The following ATOSB variants were observed in gnomAD, a reference collection of about 807,000 sequenced individuals.
ATOSB encodes atos homolog protein B.
At chr9:35,108,486 G>A in the ATOSB span, 1 of 1,306,806 alleles carries the variant, frequency 7.7e-7, no homozygotes, top group South Asian at 1.7e-5. Flanking sequence ...CAAATCCCTG[G>A]ATGGACTAAT....
the ATOSB span, chr9:35,107,760 C>G: frequency 1.9e-6 from 3 of 1,565,954 alleles, no homozygotes; most frequent in Non-Finnish European, 2.6e-6. Context: ...TGGGGACTCC[C>G]CCAGGGACCC....
chr9:35,106,422 G>A, the ATOSB span: 19 of 1,614,166 alleles, frequency 1.2e-5, no homozygotes, highest in East Asian at 3.6e-4. This position sits in a 1 kb window ranked among gnomAD's most constrained non-coding sequence, Gnocchi z 4.6. Flanking sequence ...TGGGATTAGG[G>A]TAGGGAAAAC....
At chr9:35,115,185 C>T in the ATOSB span, among the ~76,000 whole-genome samples, 3 of 151,994 alleles carry the variant, frequency 2.0e-5, no homozygotes, top group Admixed American at 1.3e-4. Context: ...CTGGACAGAT[C>T]CAAAATAGAC....
At chr9:35,107,772 T>C in the ATOSB span, 2 of 1,563,122 alleles carry the variant, frequency 1.3e-6, no homozygotes, top group Non-Finnish European at 1.7e-6. Context: ...CAGGGACCCC[T>C]GTCCCCCTGG....
the ATOSB span, chr9:35,108,599 T>A: frequency 9.0e-7 from 1 of 1,108,506 alleles, no homozygotes. Context: ...CTTACCCCGA[T>A]GAAGAGGCCT....
the ATOSB span, chr9:35,106,047 A>G: frequency 6.3e-7 from 1 of 1,595,782 alleles, no homozygotes; most frequent in South Asian, 1.1e-5. This position sits in a 1 kb window ranked among gnomAD's most constrained non-coding sequence, Gnocchi z 4.6. Context: ...GGTGGGGACT[A>G]GGAAAACCCT....
the ATOSB span, chr9:35,106,089 T>G: frequency 6.5e-7 from 1 of 1,530,352 alleles, no homozygotes; most frequent in African/African-American, 1.4e-5. The surrounding 1 kb of genome is among the most constrained non-coding windows in gnomAD (Gnocchi z 4.6). Context: ...CTCCACAAGC[T>G]CTCACCCTGA....
chr9:35,108,114 GA>G, the ATOSB span: 1 of 1,561,416 alleles, frequency 6.4e-7, no homozygotes. Flanking sequence ...AGCCGGAGGG[GA>G]AAAGATGGAT....
the ATOSB span, among the ~76,000 whole-genome samples, chr9:35,112,586 G>A: frequency 6.6e-6 from 1 of 152,190 alleles, no homozygotes; most frequent in East Asian, 1.9e-4. Flanking sequence ...ACCTTTGCAA[G>A]GATTGAGCAT....
chr9:35,113,135 A>G, the ATOSB span, among the ~76,000 whole-genome samples: 1 of 152,226 alleles, frequency 6.6e-6, no homozygotes, highest in African/African-American at 2.4e-5. Context: ...CTTAATAAAA[A>G]CTTACTAGGA....
chr9:35,111,965 A>G, the ATOSB span, among the ~76,000 whole-genome samples: 1 of 152,138 alleles, frequency 6.6e-6, no homozygotes, highest in East Asian at 1.9e-4. Flanking sequence ...CTTTAAAGAT[A>G]CGGTTTGACA....
chr9:35,107,335 A>G, the ATOSB span: 2 of 1,551,894 alleles, frequency 1.3e-6, no homozygotes, highest in African/African-American at 2.8e-5. Context: ...AAAAAAAAAA[A>G]AAAAAAAAGT....
At chr9:35,111,806 T>G in the ATOSB span, among the ~76,000 whole-genome samples, 1 of 152,082 alleles carries the variant, frequency 6.6e-6, no homozygotes, top group African/African-American at 2.4e-5. Context: ...GCTCCGCCCT[T>G]CTCCTTAACC....
At chr9:35,106,758 C>G in the ATOSB span, 5 of 1,524,982 alleles carry the variant, frequency 3.3e-6, no homozygotes, top group Non-Finnish European at 4.4e-6. This position sits in a 1 kb window ranked among gnomAD's most constrained non-coding sequence, Gnocchi z 4.6. Flanking sequence ...GGGTCCCCTA[C>G]TCGGATGCTG....
chr9:35,106,037 G>A, the ATOSB span: 3 of 1,605,028 alleles, frequency 1.9e-6, no homozygotes, highest in Non-Finnish European at 2.6e-6. The surrounding 1 kb of genome is among the most constrained non-coding windows in gnomAD (Gnocchi z 4.6). Context: ...CATCAGTCAA[G>A]GTGGGGACTA....
chr9:35,114,732 C>T, the ATOSB span, among the ~76,000 whole-genome samples: 7 of 152,122 alleles, frequency 4.6e-5, no homozygotes, highest in Non-Finnish European at 8.8e-5. Flanking sequence ...AGACAGAAGA[C>T]CCTCAATACT....
chr9:35,107,059 C>T, the ATOSB span, among the ~76,000 whole-genome samples: 1 of 152,076 alleles, frequency 6.6e-6, no homozygotes, highest in Non-Finnish European at 1.5e-5. Flanking sequence ...GTGGCTTGAG[C>T]GCCTGTAATC....
chr9:35,105,512 C>T, the ATOSB span: 4 of 1,155,694 alleles, frequency 3.5e-6, no homozygotes, highest in East Asian at 7.6e-5. This position sits in a 1 kb window ranked among gnomAD's most constrained non-coding sequence, Gnocchi z 5.5. Flanking sequence ...AGCAACATAG[C>T]GAGACCCCAT....
the ATOSB span, among the ~76,000 whole-genome samples, chr9:35,114,680 C>T: frequency 2.0e-5 from 3 of 152,164 alleles, no homozygotes; most frequent in Non-Finnish European, 4.4e-5. Context: ...CCTCACAACC[C>T]TTACTGGGTT....
Sources: gnomAD v4.1 joint callset for allele counts (sites outside exome capture counted in the v4.1 genomes callset) on GRCh38, gnomAD v4.1.1 for gene constraint, Gnocchi (gnomAD v3.1) non-coding constraint, MANE v1.5 for transcripts, NCBI Gene and HGNC (gene_info 2026-07-23, HGNC 2026-07-21) for gene names.